PDPN: variants seen among roughly 807,000 people sequenced by gnomAD.
PDPN encodes the protein PA2.26 antigen.
Under a neutral mutation model 23.2 loss-of-function variants are expected in PDPN, and 12 were observed. The ratio of observed to expected loss-of-function variants is 0.52; its 90% CI spans 0.33 to 0.84. The LOEUF (loss-of-function observed/expected upper bound fraction) is 0.84, where lower values mean the gene tolerates loss of function less well. PDPN is among the 40% of genes least tolerant of loss of function. The probability of loss-of-function intolerance (pLI) is 0.02; values close to 1 mark genes in which losing one functional copy is unlikely to be tolerated. For synonymous variants in PDPN, 77 were observed against 76.7 expected, an observed-to-expected ratio of 1.00 and a Z score of -0.02; for missense variants, 199 against 212.2, an observed-to-expected ratio of 0.94 and a Z score of 0.39.
At chr1:13,605,795 G>C (rs146811894) in intron 1 of PDPN, among the ~76,000 whole-genome samples, 2,253 of 152,114 alleles carry the variant, frequency 0.015, 49 homozygotes, top group African/African-American at 0.052. Context: ...GCTAATTTTT[G>C]TATTTTTAGT....
chr1:13,598,168 A>G (rs549904884), intron 1 of PDPN, among the ~76,000 whole-genome samples: 17 of 152,166 alleles, frequency 1.1e-4, no homozygotes, highest in Non-Finnish European at 2.2e-4. Context: ...GGCACAAGCC[A>G]CCACGCCTGG....
chr1:13,615,335 G>A (rs376473070), intron 5 of PDPN, among the ~76,000 whole-genome samples: 2 of 150,628 alleles, frequency 1.3e-5, no homozygotes, highest in African/African-American at 4.9e-5. Context: ...TCACCAGGCT[G>A]GATGGAGTAG....
intron 3 of PDPN, 77 bp downstream of exon 3, chr1:13,610,593 A>G (rs1451141761): frequency 9.6e-6 from 14 of 1,464,346 alleles, no homozygotes; most frequent in African/African-American, 1.4e-5. Flanking sequence ...ATCAACAAAT[A>G]GAATAATCAA....
rs114079997 is a variant in PDPN at position 13,609,744 on chromosome 1, A to G, written c.202-643A>G. 4.3e-3 allele frequency among the ~76,000 whole-genome samples: 654 copies of G among 152,286 alleles called. 5 individuals are homozygous for G. The highest frequency in any genetic ancestry group is 0.024 in the Middle Eastern group (7 of 294). On this transcript the variant is annotated intron_variant, in intron 2 of 5. Transcript: ENST00000621990. The stretch of plus-strand genomic sequence containing the variant: ...AATGTCCTCAAGGTTCATCCATGCT[A>G]TGGCATGTGTCAGAATGTTCATCCT...
intron 1 of PDPN, among the ~76,000 whole-genome samples, chr1:13,599,728 TA>T (rs1188493385): frequency 6.6e-6 from 1 of 152,132 alleles, no homozygotes; most frequent in East Asian, 1.9e-4. Flanking sequence ...CTCTAGTCCT[TA>T]AGAGTGGAGA....
At chr1:13,598,087 C>A (rs944566670) in intron 1 of PDPN, among the ~76,000 whole-genome samples, 2 of 152,072 alleles carry the variant, frequency 1.3e-5, no homozygotes, top group Non-Finnish European at 2.9e-5. Flanking sequence ...ACTATCTCGG[C>A]TCACTGCAAC....
chr1:13,585,359 C>T, intron 1 of PDPN: 1 of 485,890 alleles, frequency 2.1e-6, no homozygotes, highest in Non-Finnish European at 3.3e-6. Context: ...AGGGACTGAG[C>T]AACTCTTTTT....
At chr1:13,605,994 T>C (rs188069118) in intron 1 of PDPN, among the ~76,000 whole-genome samples, 5 of 151,978 alleles carry the variant, frequency 3.3e-5, no homozygotes, top group Admixed American at 3.3e-4. Context: ...CCAAGGGCAG[T>C]TCATTAGTTT....
chr1:13,598,473 C>A (rs182994606), intron 1 of PDPN, among the ~76,000 whole-genome samples: 1 of 152,290 alleles, frequency 6.6e-6, no homozygotes, highest in African/African-American at 2.4e-5. Context: ...AAGCTTCTCC[C>A]TGCTTCAGCC....
chr1:13,589,556 A>C lies in PDPN; in HGVS notation c.67+5456A>C, dbSNP rs191307164. Among the ~76,000 whole-genome samples, 389 of 152,198 alleles carry C rather than the reference A, an allele frequency of 2.6e-3. 6 individuals carry two copies. Among genetic ancestry groups the C allele is most frequent in the Admixed American group, 0.021 (315 of 15,288 alleles). On this transcript the variant is annotated intron_variant, in intron 1 of 5. Transcript: ENST00000621990. ...TTTCTTTCAGTCCTCACAACAGACT[A>C]CTCGGCTGGAGCTTCTTGTATTTTA... is the stretch of plus-strand genomic sequence containing the variant.
At chr1:13,607,579 C>T (rs988167162) in intron 2 of PDPN, among the ~76,000 whole-genome samples, 1 of 152,092 alleles carries the variant, frequency 6.6e-6, no homozygotes, top group African/African-American at 2.4e-5. Context: ...TCCTTAAAGT[C>T]GCAGTTTCCA....
chr1:13,602,099 G>A (rs370950143), intron 1 of PDPN, among the ~76,000 whole-genome samples: 1 of 151,536 alleles, frequency 6.6e-6, no homozygotes, highest in African/African-American at 2.4e-5. Context: ...GGCCGAGGCG[G>A]GTGGATCACA....
intron 1 of PDPN, among the ~76,000 whole-genome samples, chr1:13,591,698 A>T (rs558503287): frequency 6.6e-6 from 1 of 152,254 alleles, no homozygotes; most frequent in South Asian, 2.1e-4. Context: ...TCGTTCTTTT[A>T]AAAAAAATTT....
In PDPN at chr1:13,585,884, G is replaced by A. The variant is rs767071456; in HGVS notation, c.67+1784G>A. Among the ~76,000 whole-genome samples the A allele has an allele frequency of 2.4e-4, 37 of 152,212 alleles. 1 individual carries two copies. The highest frequency in any genetic ancestry group is 1.2e-3 in the Admixed American group (19 of 15,292). On this transcript the variant is annotated intron_variant, in intron 1 of 5. Coordinates refer to ENST00000621990, the MANE Select transcript of PDPN (RefSeq NM_006474.5). Reference sequence around the variant, plus strand: ...GCTTTTGTTGGGGAGCTGGGCTGGGGGGTAATTATGGTGATGAATTTTATG... The same window carrying A: ...GCTTTTGTTGGGGAGCTGGGCTGGGAGGTAATTATGGTGATGAATTTTATG...
In PDPN at chr1:13,604,935, G is replaced by T. The variant is rs1004442020; in HGVS notation, c.68-2238G>T. 5.3e-5 allele frequency among the ~76,000 whole-genome samples: 8 copies of T among 152,100 alleles called. No homozygotes were observed. The East Asian group carries it at 1.5e-3, about 29-fold the overall frequency. Reference sequence around the variant, plus strand: ...ACATGGAGAGGCAAACCATTTGCATGCATGGAAATATTCGGTTATTGCTAA... The same window carrying T: ...ACATGGAGAGGCAAACCATTTGCATTCATGGAAATATTCGGTTATTGCTAA... On this transcript the variant is annotated intron_variant, in intron 1 of 5. Transcript: ENST00000621990.
At chr1:13,586,328 C>T (rs185754527) in intron 1 of PDPN, among the ~76,000 whole-genome samples, 25 of 152,250 alleles carry the variant, frequency 1.6e-4, no homozygotes, top group Admixed American at 1.4e-3. Flanking sequence ...TAATAAAGAT[C>T]AGGTCTGTTA....
At position 13,607,128 on chromosome 1, in the gene PDPN, T is replaced by G. The variant is rs763644956; in HGVS notation, c.68-45T>G. The G allele has an allele frequency of 3.1e-6, 5 of 1,590,856 alleles. No individual in the cohort carries two copies. In the Admixed American group the frequency reaches 9.0e-5, roughly 29 times the overall value. ...ATGTAGCCGACAAGTTGGGTCTGCT[T>G]ATGCAATTTCCACCTTAAGCTCTGA... On this transcript the variant is annotated intron_variant, in intron 1 of 5. Coordinates refer to ENST00000621990, the MANE Select transcript of PDPN (RefSeq NM_006474.5).
At position 13,611,285 on chromosome 1, in the gene PDPN, A is replaced by G. The variant is rs185967995; in HGVS notation, c.331+769A>G. ...AAACAAGCTTTTTTTTTGTACCCCC[A>G]TGTTTATAGCAGCATTATTCACAAT... is the stretch of plus-strand genomic sequence containing the variant. On this transcript the variant is annotated intron_variant, in intron 3 of 5. Transcript: ENST00000621990. Among the ~76,000 whole-genome samples, 6 of 151,982 alleles carry G rather than the reference A, an allele frequency of 3.9e-5. No individual in the cohort carries two copies. The East Asian group carries it at 1.2e-3, about 29-fold the overall frequency.
chr1:13,597,545 C>T (rs1359330774), intron 1 of PDPN, among the ~76,000 whole-genome samples: 2 of 152,112 alleles, frequency 1.3e-5, no homozygotes, highest in East Asian at 1.9e-4. Flanking sequence ...TTCTCACTCA[C>T]GTCAAGATGG....
Sources: gnomAD v4.1 joint callset for allele counts (sites outside exome capture counted in the v4.1 genomes callset) on GRCh38, gnomAD v4.1.1 for gene constraint, MANE v1.5 for transcripts, NCBI Gene and HGNC (gene_info 2026-07-23, HGNC 2026-07-21) for gene names.